FER: variants seen among roughly 807,000 people sequenced by gnomAD.
FER encodes tyrosine-protein kinase Fer.
Under a neutral mutation model 111.0 loss-of-function variants are expected in FER, and 63 were observed. That is an observed-to-expected ratio of 0.57 (90% CI 0.46 to 0.70). FER has a LOEUF of 0.70. FER is among the 30% of genes least tolerant of loss of function. The pLI, the probability that FER is intolerant of heterozygous loss-of-function variation, is 0.00. For missense variants in FER, 914 were observed against 954.0 expected, an observed-to-expected ratio of 0.96 and a Z score of 0.55; for synonymous variants, 327 against 313.9, an observed-to-expected ratio of 1.04 and a Z score of -0.44.
intron 13 of FER, among the ~76,000 whole-genome samples, chr5:108,965,552 G>A (rs1039656807): frequency 6.6e-6 from 1 of 152,008 alleles, no homozygotes; most frequent in African/African-American, 2.4e-5. Flanking sequence ...CTGTGAATTT[G>A]ATTATTAATA....
intron 17 of FER, among the ~76,000 whole-genome samples, chr5:109,104,600 C>T (rs1748655565): frequency 6.6e-6 from 1 of 151,942 alleles, no homozygotes; most frequent in Non-Finnish European, 1.5e-5. Flanking sequence ...AGTTACAATG[C>T]TTTGTAAGAG....
chr5:108,947,150 G>A (rs1421694616), intron 11 of FER, among the ~76,000 whole-genome samples: 1 of 151,944 alleles, frequency 6.6e-6, no homozygotes, highest in Non-Finnish European at 1.5e-5. Flanking sequence ...ATGCTGCTAT[G>A]AACGTTCGTT....
chr5:109,082,860 T>G (rs1440607790), intron 16 of FER, among the ~76,000 whole-genome samples: 1 of 152,032 alleles, frequency 6.6e-6, no homozygotes, highest in East Asian at 1.9e-4. Flanking sequence ...AAATCATCTT[T>G]TTATTATTGA....
At chr5:108,976,370 T>A (rs1441036279) in intron 13 of FER, among the ~76,000 whole-genome samples, 1 of 152,214 alleles carries the variant, frequency 6.6e-6, no homozygotes, top group African/African-American at 2.4e-5. Context: ...ATACTTCTTT[T>A]GCTTTTGTGA....
intron 14 of FER, among the ~76,000 whole-genome samples, chr5:109,043,732 GA>G (rs1771525108): frequency 6.6e-6 from 1 of 152,140 alleles, no homozygotes; most frequent in Non-Finnish European, 1.5e-5. Flanking sequence ...CAGCATTTTG[GA>G]AGGCCAAGGC....
At chr5:108,889,378 A>G (rs1246442644) in intron 9 of FER, among the ~76,000 whole-genome samples, 1 of 151,982 alleles carries the variant, frequency 6.6e-6, no homozygotes, top group African/African-American at 2.4e-5. Context: ...TTAAAAAAAG[A>G]ATGAGATCCT....
In FER at chr5:109,190,332, A is replaced by G. The variant is rs907937460; in HGVS notation, c.*2757A>G. On this transcript the variant is annotated 3_prime_UTR_variant, in exon 20 of 20. Coordinates refer to ENST00000281092, the MANE Select transcript of FER (RefSeq NM_005246.4). The stretch of plus-strand genomic sequence containing the variant: ...GTCCGGATGTAATTAGTCCAGTCAC[A>G]AATCTTTGTGTTGTTAATGGATTAT... 6.6e-6 allele frequency: 1 copy of G among 152,016 alleles called. No individual in the cohort carries two copies. Among genetic ancestry groups the G allele is most frequent in the Non-Finnish European group, 1.5e-5 (1 of 67,972 alleles). The allele number at this position is 152,016 out of a possible 1,614,324, so 9.4% of individuals were successfully genotyped here. A position where few individuals can be genotyped will look rare whatever the true frequency, so the allele number is the denominator to read the frequency against.
intron 6 of FER, among the ~76,000 whole-genome samples, chr5:108,870,346 C>T (rs1035056320): frequency 6.6e-6 from 1 of 151,968 alleles, no homozygotes; most frequent in Non-Finnish European, 1.5e-5. Context: ...TACTGTATTG[C>T]TTTAAAAGAG....
intron 13 of FER, among the ~76,000 whole-genome samples, chr5:108,989,991 TCCC>T (rs932772763): frequency 1.4e-4 from 21 of 151,920 alleles, no homozygotes; most frequent in Non-Finnish European, 4.4e-5. Flanking sequence ...ACTTTTTGTG[TCCC>T]CCTAGTGCCT....
At chr5:108,981,617 T>G (rs1210712865) in intron 13 of FER, among the ~76,000 whole-genome samples, 1 of 152,084 alleles carries the variant, frequency 6.6e-6, no homozygotes, top group African/African-American at 2.4e-5. Context: ...TAGCATTTAT[T>G]TAATAAACAT....
rs959513634 is a variant in FER at position 109,188,655 on chromosome 5, C to T, written c.*1080C>T. ...TCTATTCTAAAAACACATAATAATA[C>T]ATATTCTATTTTATGGTCTGAATTT... On this transcript the variant is annotated 3_prime_UTR_variant, in exon 20 of 20. Transcript: ENST00000281092. 2.0e-5 allele frequency: 3 copies of T among 152,078 alleles called. No individual in the cohort carries two copies. Among genetic ancestry groups the T allele is most frequent in the African/African-American group, 7.2e-5 (3 of 41,388 alleles). 9.4% of individuals were successfully genotyped at this position (152,078 alleles called of 1,614,324 possible).
chr5:109,164,884 C>T (rs1023765558), intron 17 of FER, among the ~76,000 whole-genome samples: 5 of 152,120 alleles, frequency 3.3e-5, no homozygotes, highest in Non-Finnish European at 1.5e-5. Context: ...ATTTTGTCTC[C>T]ATTTTTTAAA....
chr5:108,949,464 C>T (rs1315584240), intron 11 of FER, among the ~76,000 whole-genome samples: 2 of 152,062 alleles, frequency 1.3e-5, no homozygotes. Flanking sequence ...ACACTAAATT[C>T]TGTCATGTTT....
intron 10 of FER, among the ~76,000 whole-genome samples, chr5:108,925,503 G>A (rs866939283): frequency 3.3e-5 from 5 of 151,968 alleles, no homozygotes; most frequent in Middle Eastern, 6.8e-3. Flanking sequence ...CTGTTGTGTT[G>A]GTGAAGAATT....
chr5:109,052,326 G>C, intron 16 of FER: 1 of 1,603,400 alleles, frequency 6.2e-7, no homozygotes, highest in Non-Finnish European at 8.5e-7. Context: ...CATCTCCCCA[G>C]GCTGACTCAA....
chr5:108,893,064 A>C (rs1443876953), intron 9 of FER, among the ~76,000 whole-genome samples: 5 of 152,264 alleles, frequency 3.3e-5, no homozygotes, highest in African/African-American at 1.2e-4. Flanking sequence ...TGTTTTGGTT[A>C]CTGTAGCCTT....
chr5:108,876,047 G>C (rs1288726853), intron 8 of FER, among the ~76,000 whole-genome samples: 1 of 152,082 alleles, frequency 6.6e-6, no homozygotes, highest in Non-Finnish European at 1.5e-5. Context: ...ATATAAATAG[G>C]ATATCTCAAT....
intron 3 of FER, among the ~76,000 whole-genome samples, chr5:108,827,597 T>C (rs987913225): frequency 3.3e-5 from 5 of 152,136 alleles, no homozygotes; most frequent in Non-Finnish European, 5.9e-5. Flanking sequence ...TATTTTGTCC[T>C]AGAATTTGAC....
chr5:108,879,701 A>AAAAAATATATATATATATATATAT, intron 8 of FER, among the ~76,000 whole-genome samples: 5 of 99,124 alleles, frequency 5.0e-5, no homozygotes, highest in South Asian at 3.1e-4. Flanking sequence ...ATTAAAAAAA[A>AAAAAATATATATATATATATATAT]ATATATATAT....
Sources: gnomAD v4.1 joint callset for allele counts (sites outside exome capture counted in the v4.1 genomes callset) on GRCh38, gnomAD v4.1.1 for gene constraint, MANE v1.5 for transcripts, NCBI Gene and HGNC (gene_info 2026-07-23, HGNC 2026-07-21) for gene names.